The following TMPRSS15 variants were observed in gnomAD, a reference collection of about 807,000 sequenced individuals.
The protein encoded by TMPRSS15 is transmembrane serine protease 15, also known as enteropeptidase.
A neutral mutation model predicts 125.3 loss-of-function variants in TMPRSS15; 128 were observed. The ratio of observed to expected loss-of-function variants is 1.02; its 90% CI spans 0.89 to 1.18. TMPRSS15 has a LOEUF of 1.18. Among genes scored for constraint, TMPRSS15 ranks in the 50% most tolerant of loss-of-function variants. TMPRSS15 has a pLI of 0.00. For synonymous variants in TMPRSS15, 446 were observed against 423.2 expected (o/e 1.05, Z -0.66); for missense variants, 1,283 against 1,212.7 (o/e 1.06, Z -0.86).
chr21:18,355,052 C>T (rs759185179), intron 8 of TMPRSS15, among the ~76,000 whole-genome samples: 4 of 151,740 alleles, frequency 2.6e-5, no homozygotes, highest in Non-Finnish European at 5.9e-5. Flanking sequence ...TGTTTTTCCC[C>T]AAAATGTGTG....
intron 1 of TMPRSS15, among the ~76,000 whole-genome samples, chr21:18,445,536 A>T (rs1275389287): frequency 6.6e-6 from 1 of 152,122 alleles, no homozygotes; most frequent in African/African-American, 2.4e-5. Flanking sequence ...GATTGATTCC[A>T]TATCTTCACT....
chr21:18,363,334 A>T (rs1313916226), intron 7 of TMPRSS15, among the ~76,000 whole-genome samples: 1 of 152,126 alleles, frequency 6.6e-6, no homozygotes, highest in South Asian at 2.1e-4. Flanking sequence ...TAATGGAAAG[A>T]AACTAAAAAC....
intron 21 of TMPRSS15, among the ~76,000 whole-genome samples, chr21:18,293,313 C>T (rs1029839085): frequency 2.6e-5 from 4 of 152,084 alleles, no homozygotes; most frequent in Non-Finnish European, 5.9e-5. Flanking sequence ...CGTCCATGCC[C>T]GGTTCTTTCC....
At chr21:18,363,102 T>C (rs1380731893) in intron 7 of TMPRSS15, among the ~76,000 whole-genome samples, 1 of 152,138 alleles carries the variant, frequency 6.6e-6, no homozygotes, top group African/African-American at 2.4e-5. Flanking sequence ...TTATTGTCTT[T>C]AGTCTCATCT....
chr21:18,374,134 G>C (rs1342268223), intron 5 of TMPRSS15, among the ~76,000 whole-genome samples: 1 of 152,142 alleles, frequency 6.6e-6, no homozygotes, highest in African/African-American at 2.4e-5. Context: ...ACCTAGAAAG[G>C]CACCAGGAGG....
chr21:18,344,284 A>G (rs1181135390), intron 10 of TMPRSS15, among the ~76,000 whole-genome samples: 1 of 152,206 alleles, frequency 6.6e-6, no homozygotes, highest in African/African-American at 2.4e-5. Flanking sequence ...CCACTTTATT[A>G]AACAAGAGTC....
chr21:18,464,439 C>T (rs144880015), intron 1 of TMPRSS15, among the ~76,000 whole-genome samples: 2,133 of 151,724 alleles, frequency 0.014, 28 homozygotes, highest in Non-Finnish European at 0.021. Context: ...GATAGAGACA[C>T]GAGAAACCCT....
intron 5 of TMPRSS15, among the ~76,000 whole-genome samples, chr21:18,375,753 G>A (rs535054542): frequency 6.6e-6 from 1 of 152,238 alleles, no homozygotes; most frequent in African/African-American, 2.4e-5. Context: ...GTAACATGAA[G>A]AATTCGGTAT....
intron 1 of TMPRSS15, among the ~76,000 whole-genome samples, chr21:18,413,708 G>A (rs940177278): frequency 3.3e-5 from 5 of 151,136 alleles, no homozygotes; most frequent in Non-Finnish European, 5.9e-5. Context: ...GATTACAGGC[G>A]TGAGCCACCG....
rs544437128 is a variant in TMPRSS15 at position 18,337,279 on chromosome 21, T to G, written c.1564+4134A>C. Among the ~76,000 whole-genome samples, 9 of 152,248 alleles carry G rather than the reference T, an allele frequency of 5.9e-5. No homozygotes were observed. The East Asian group carries it at 1.7e-3, about 29-fold the overall frequency. ...AAAGAAAAACTGTGGAAATAAAGAG[T>G]GAATATTGAAATATTTAATACTATA... On this transcript the variant is annotated intron_variant, in intron 13 of 24. Coordinates refer to ENST00000284885, the MANE Select transcript of TMPRSS15 (RefSeq NM_002772.3).
intron 1 of TMPRSS15, among the ~76,000 whole-genome samples, chr21:18,481,524 G>A (rs184226692): frequency 2.6e-5 from 4 of 151,714 alleles, no homozygotes; most frequent in Admixed American, 6.6e-5. Context: ...TCAGGGGCAC[G>A]GGGCATTGCA....
At chr21:18,459,479 G>A (rs1161952641) in intron 1 of TMPRSS15, among the ~76,000 whole-genome samples, 1 of 151,946 alleles carries the variant, frequency 6.6e-6, no homozygotes, top group Non-Finnish European at 1.5e-5. Context: ...TCACCATGTT[G>A]GCCAGGCTAG....
At chr21:18,276,802 C>A (rs2074627605) in intron 23 of TMPRSS15, among the ~76,000 whole-genome samples, 1 of 148,568 alleles carries the variant, frequency 6.7e-6, no homozygotes, top group Non-Finnish European at 1.5e-5. Flanking sequence ...TCTTGTCCTC[C>A]AGGCTGGAGT....
intron 21 of TMPRSS15, among the ~76,000 whole-genome samples, chr21:18,290,867 T>C (rs775497238): frequency 6.6e-6 from 1 of 152,156 alleles, no homozygotes; most frequent in African/African-American, 2.4e-5. Context: ...TAGAAAGAGA[T>C]GATAATAAAA....
chr21:18,412,441 G>A (rs1205358835), intron 1 of TMPRSS15, among the ~76,000 whole-genome samples: 1 of 152,160 alleles, frequency 6.6e-6, no homozygotes, highest in Non-Finnish European at 1.5e-5. Context: ...CCAATTAGGA[G>A]ATCACCGAAT....
intron 5 of TMPRSS15, among the ~76,000 whole-genome samples, chr21:18,372,747 C>T (rs1315603636): frequency 6.6e-6 from 1 of 152,104 alleles, no homozygotes; most frequent in African/African-American, 2.4e-5. Flanking sequence ...CTCTTTGTTC[C>T]TTGGGTCAGA....
chr21:18,301,740 A>G (rs2074975694), intron 18 of TMPRSS15, among the ~76,000 whole-genome samples: 1 of 152,230 alleles, frequency 6.6e-6, no homozygotes, highest in South Asian at 2.1e-4. Context: ...TAGAAACTCC[A>G]TATAGCATTA....
At chr21:18,370,566 C>A (rs1288551581) in intron 6 of TMPRSS15, among the ~76,000 whole-genome samples, 1 of 152,152 alleles carries the variant, frequency 6.6e-6, no homozygotes, top group Non-Finnish European at 1.5e-5. Flanking sequence ...CACAGCAAAG[C>A]AAGAACATTG....
chr21:18,434,124 C>A (rs1439961219), intron 1 of TMPRSS15, among the ~76,000 whole-genome samples: 1 of 152,036 alleles, frequency 6.6e-6, no homozygotes, highest in Non-Finnish European at 1.5e-5. Context: ...TTTATTTTGG[C>A]TAGTATCAAC....
Sources: allele counts gnomAD v4.1 joint callset (sites outside exome capture counted in the v4.1 genomes callset), GRCh38; gene constraint gnomAD v4.1.1; transcripts MANE v1.5; gene names NCBI Gene and HGNC (gene_info 2026-07-23, HGNC 2026-07-21).